The following INPP4B variants were observed in gnomAD, a reference collection of about 807,000 sequenced individuals.
INPP4B encodes the protein inositol polyphosphate-4-phosphatase type II B.
Under a neutral mutation model 122.5 loss-of-function variants are expected in INPP4B, and 55 were observed. The ratio of observed to expected loss-of-function variants is 0.45; its 90% CI spans 0.36 to 0.56. The LOEUF (loss-of-function observed/expected upper bound fraction) is 0.56, where lower values mean the gene tolerates loss of function less well. Among genes scored for constraint, INPP4B ranks in the 20% least tolerant of loss-of-function variants. The pLI, the probability that INPP4B is intolerant of heterozygous loss-of-function variation, is 0.00. For missense variants in INPP4B, 1,000 were observed against 1,097.7 expected (o/e 0.91, Z 1.26); for synonymous variants, 403 against 388.7 (o/e 1.04, Z -0.43).
At chr4:142,317,851 C>T (rs1768333333) in intron 7 of INPP4B, among the ~76,000 whole-genome samples, 2 of 152,244 alleles carry the variant, frequency 1.3e-5, no homozygotes, top group Admixed American at 6.5e-5. Context: ...TCTGTTGATG[C>T]TATTGGGGCC....
rs1433666988 is a variant in INPP4B, at chr4:142,509,063, A to G, written c.-190-46337T>C. Among the ~76,000 whole-genome samples the G allele has an allele frequency of 2.6e-5, 4 of 152,224 alleles. No individual in the cohort carries two copies. In the East Asian group the frequency reaches 7.7e-4, roughly 29 times the overall value. On this transcript the variant is annotated intron_variant, in intron 2 of 25. Coordinates refer to ENST00000262992, the MANE Select transcript of INPP4B (RefSeq NM_001101669.3). ...CCAGCAACTGATAAATAACTTTTGA[A>G]GAGAATACCATTGAGAAACATGAGT...
intron 25 of INPP4B, among the ~76,000 whole-genome samples, chr4:142,033,038 A>G (rs1741365422): frequency 6.6e-6 from 1 of 152,116 alleles, no homozygotes; most frequent in Non-Finnish European, 1.5e-5. Flanking sequence ...AGCCTAAAAC[A>G]TGTACTTTGG....
intron 2 of INPP4B, among the ~76,000 whole-genome samples, chr4:142,649,537 A>G (rs765837843): frequency 6.6e-5 from 10 of 152,176 alleles, no homozygotes; most frequent in Non-Finnish European, 1.2e-4. Flanking sequence ...AATGGAGCTA[A>G]AAACCATGGC....
chr4:142,758,805 T>C (rs1770873038), intron 1 of INPP4B, among the ~76,000 whole-genome samples: 1 of 151,818 alleles, frequency 6.6e-6, no homozygotes. Context: ...ACACAAACAT[T>C]AGCCGGGTGT....
rs185468931 is a variant in INPP4B at position 142,068,118 on chromosome 4, C to T, written c.2642+13913G>A. Among the ~76,000 whole-genome samples the T allele has an allele frequency of 1.9e-3, 283 of 152,290 alleles. 2 individuals are homozygous for T. Among genetic ancestry groups the T allele is most frequent in the East Asian group, 0.017 (90 of 5,176 alleles). ...TACCCATAAAGGTAAGCCCATCAGA[C>T]TAACAGCGGATCTCTCAGCAGAAAC... On this transcript the variant is annotated intron_variant, in intron 25 of 25. Transcript: ENST00000262992.
chr4:142,422,220 A>G (rs953866943), intron 5 of INPP4B, among the ~76,000 whole-genome samples: 2 of 152,162 alleles, frequency 1.3e-5, no homozygotes, highest in African/African-American at 4.8e-5. Flanking sequence ...GCAATTACTC[A>G]TAATGAAATG....
At chr4:142,263,639 A>AT (rs1741226592) in intron 10 of INPP4B, among the ~76,000 whole-genome samples, 1 of 41,808 alleles carries the variant, frequency 2.4e-5, no homozygotes, top group Non-Finnish European at 6.2e-5. Flanking sequence ...AAATTCGTAA[A>AT]ATATATATAT....
intron 25 of INPP4B, among the ~76,000 whole-genome samples, chr4:142,037,734 T>C (rs1430265066): frequency 2.0e-5 from 3 of 152,158 alleles, no homozygotes; most frequent in Non-Finnish European, 4.4e-5. Flanking sequence ...TCAATATTAA[T>C]AGAGTACCAC....
At chr4:142,466,701 G>T (rs943048016) in intron 2 of INPP4B, among the ~76,000 whole-genome samples, 1 of 152,170 alleles carries the variant, frequency 6.6e-6, no homozygotes, top group African/African-American at 2.4e-5. Context: ...TGGGAAAAAG[G>T]TCTCAAAGGC....
intron 2 of INPP4B, among the ~76,000 whole-genome samples, chr4:142,541,849 C>T (rs1406177641): frequency 6.6e-6 from 1 of 152,132 alleles, no homozygotes; most frequent in Non-Finnish European, 1.5e-5. Context: ...GTGGCTTCCC[C>T]AGTGCCCAGC....
At chr4:142,082,630 T>C (rs1481907029) in intron 24 of INPP4B, among the ~76,000 whole-genome samples, 1 of 152,222 alleles carries the variant, frequency 6.6e-6, no homozygotes, top group Non-Finnish European at 1.5e-5. Context: ...TAATATTCTC[T>C]TATTTTTCAT....
chr4:142,788,476 T>C (rs932220348), intron 1 of INPP4B, among the ~76,000 whole-genome samples: 5 of 152,140 alleles, frequency 3.3e-5, no homozygotes, highest in Non-Finnish European at 7.4e-5. Flanking sequence ...TTGAAATTTT[T>C]CTATTTCCAT....
chr4:142,616,027 A>C (rs1743616087), intron 2 of INPP4B, among the ~76,000 whole-genome samples: 2 of 152,058 alleles, frequency 1.3e-5, no homozygotes, highest in Admixed American at 1.3e-4. Context: ...TATGGGAGAG[A>C]TGTATGGACT....
chr4:142,844,618 G>T (rs763125550), intron 1 of INPP4B, among the ~76,000 whole-genome samples: 1 of 152,196 alleles, frequency 6.6e-6, no homozygotes, highest in Non-Finnish European at 1.5e-5. Flanking sequence ...GTGCATCAAT[G>T]CGTAAAGGAG....
intron 2 of INPP4B, among the ~76,000 whole-genome samples, chr4:142,608,311 C>T (rs1230551910): frequency 6.6e-6 from 1 of 152,082 alleles, no homozygotes; most frequent in African/African-American, 2.4e-5. Flanking sequence ...TACTCTCTCA[C>T]CTTCATGAAA....
intron 2 of INPP4B, among the ~76,000 whole-genome samples, chr4:142,700,956 GC>G (rs1761677829): frequency 6.6e-6 from 1 of 152,032 alleles, no homozygotes; most frequent in South Asian, 2.1e-4. Flanking sequence ...ATCAGTCAGG[GC>G]TATAGATCAA....
At chr4:142,079,971 A>AT (rs1231562854) in intron 25 of INPP4B, among the ~76,000 whole-genome samples, 1 of 152,064 alleles carries the variant, frequency 6.6e-6, no homozygotes. Flanking sequence ...TGATTTTTTA[A>AT]TTTTTTTAAC....
intron 10 of INPP4B, among the ~76,000 whole-genome samples, chr4:142,265,960 G>A (rs947518746): frequency 6.6e-6 from 1 of 152,122 alleles, no homozygotes; most frequent in Non-Finnish European, 1.5e-5. Context: ...GTCAAAAGGT[G>A]GGCTAGTTTT....
intron 15 of INPP4B, among the ~76,000 whole-genome samples, chr4:142,181,384 A>G (rs956775997): frequency 4.6e-5 from 7 of 151,224 alleles, no homozygotes; most frequent in South Asian, 2.1e-4. Context: ...TTTTACAACT[A>G]AAAAAAAAGG....
Sources: allele counts gnomAD v4.1 joint callset (sites outside exome capture counted in the v4.1 genomes callset), GRCh38; gene constraint gnomAD v4.1.1; transcripts MANE v1.5; gene names NCBI Gene and HGNC (gene_info 2026-07-23, HGNC 2026-07-21).